Variants in GRK7 observed in about 807,000 individuals in gnomAD.
GRK7 encodes rhodopsin kinase GRK7.
Under a neutral mutation model 34.1 loss-of-function variants are expected in GRK7, and 24 were observed. The observed-to-expected ratio is 0.70, with a 90% confidence interval of 0.51 to 0.99. The LOEUF (loss-of-function observed/expected upper bound fraction) is 0.99. GRK7 is among the 50% of genes least tolerant of loss of function. The pLI is 0.00. For synonymous variants in GRK7, 256 were observed against 279.4 expected (o/e 0.92, Z 0.84); for missense variants, 644 against 707.3 (o/e 0.91, Z 1.02).
chr3:141,762,913 C>A (rs1205326735), upstream of GRK7, among the ~76,000 whole-genome samples: 2 of 152,230 alleles, frequency 1.3e-5, no homozygotes, highest in Non-Finnish European at 2.9e-5. Flanking sequence ...TCACTCCTTT[C>A]TTTGACTTGG....
chr3:141,757,403 G>A, the GRK7 span, among the ~76,000 whole-genome samples: 1 of 130,130 alleles, frequency 7.7e-6, no homozygotes. Context: ...AATATGCGGT[G>A]TTTGGTTTTT....
At chr3:141,762,674 C>T (rs2084561028), upstream of GRK7, among the ~76,000 whole-genome samples, 1 of 151,860 alleles carries the variant, frequency 6.6e-6, no homozygotes, top group African/African-American at 2.4e-5. Flanking sequence ...CTTTGTTTAC[C>T]TAAGCAAGCC....
At position 141,817,032 on chromosome 3, in the gene GRK7, C is replaced by T. The variant is rs762666703; in HGVS notation, c.1644C>T (p.Gly548=). The change falls in exon 6 of 6, where the codon GGC becomes GGT. Residue 548 remains glycine, a synonymous_variant. Coordinates refer to ENST00000682958, the MANE Select transcript of GRK7 (RefSeq NM_139209.3). The stretch of plus-strand genomic sequence containing the variant: ...AGGAGGGTAATTCATCCAAGTCTGG[C>T]GTGTGTTTGTTATTGTAAATTGCTC... ...GCEEGNSSKS[G]VCLLL The T allele has an allele frequency of 3.7e-6, 6 of 1,602,160 alleles. No individual in the cohort carries two copies. The highest frequency in any genetic ancestry group is 4.3e-6 in the Non-Finnish European group (5 of 1,176,298).
chr3:141,812,372 G>A (rs1711101524), intron 5 of GRK7, among the ~76,000 whole-genome samples: 1 of 152,188 alleles, frequency 6.6e-6, no homozygotes, highest in African/African-American at 2.4e-5. Context: ...GAACTGCCAG[G>A]GAAAGATGTA....
rs760891784 is a variant in GRK7 at position 141,765,570 on chromosome 3, A to G, written c.-383A>G. ...AGCTCCAGAGCCTGGAACTGAAGAG[A>G]TCTTGCAGCTTCTGCCTTCACCCTT... On this transcript the variant is annotated 5_prime_UTR_variant, in exon 1 of 6. Transcript: ENST00000682958. Among the ~76,000 whole-genome samples the G allele has an allele frequency of 6.6e-6, 1 of 152,066 alleles. No individual in the cohort carries two copies. The highest frequency in any genetic ancestry group is 1.5e-5 in the Non-Finnish European group (1 of 67,990).
chr3:141,794,508 G>A (rs1028704046), intron 4 of GRK7, among the ~76,000 whole-genome samples: 1 of 152,378 alleles, frequency 6.6e-6, no homozygotes, highest in East Asian at 1.9e-4. Flanking sequence ...ATGGAGAGGT[G>A]GCAGGGGCCA....
At chr3:141,794,475 G>A (rs1290615432) in intron 4 of GRK7, among the ~76,000 whole-genome samples, 2 of 152,238 alleles carry the variant, frequency 1.3e-5, no homozygotes, top group African/African-American at 4.8e-5. Flanking sequence ...CACATCGTAA[G>A]AGGAAATGTG....
At chr3:141,805,165 G>A (rs1327563495) in intron 4 of GRK7, among the ~76,000 whole-genome samples, 2 of 151,968 alleles carry the variant, frequency 1.3e-5, no homozygotes, top group African/African-American at 2.4e-5. Flanking sequence ...GCCCCCCTGC[G>A]CGTGCTCCAC....
At position 141,779,723 on chromosome 3, in the gene GRK7, G is replaced by A. The variant is rs368796922; in HGVS notation, c.613-651G>A. Among the ~76,000 whole-genome samples, 27 of 152,266 alleles carry A rather than the reference G, an allele frequency of 1.8e-4. No individual in the cohort carries two copies. The East Asian group carries it at 4.6e-3, about 26-fold the overall frequency. Reference sequence around the variant, plus strand: ...CTCCAGCCCTGACAACCACTAGTCCGCTTTCTGTCTCTAGGGATTTGCCTA... The same window carrying A: ...CTCCAGCCCTGACAACCACTAGTCCACTTTCTGTCTCTAGGGATTTGCCTA... On this transcript the variant is annotated intron_variant, in intron 3 of 5. Transcript: ENST00000682958.
At position 141,764,940 on chromosome 3, in the gene GRK7, T is replaced by C. The variant is rs958307389; in HGVS notation, c.-1013T>C. Among the ~76,000 whole-genome samples, 2 of 152,164 alleles carry C rather than the reference T, an allele frequency of 1.3e-5. No individual in the cohort carries two copies. Among genetic ancestry groups the C allele is most frequent in the Non-Finnish European group, 2.9e-5 (2 of 68,040 alleles). ...CCACAATCCATCCATAAGCAAACTA[T>C]CTTCCCCCTCCCCTGATTTCTCACC... On this transcript the variant is annotated 5_prime_UTR_variant, in exon 1 of 6. Transcript: ENST00000682958.
chr3:141,773,524 T>G (rs1380612731), intron 1 of GRK7, among the ~76,000 whole-genome samples: 1 of 152,132 alleles, frequency 6.6e-6, no homozygotes, highest in Non-Finnish European at 1.5e-5. Context: ...TTGTTATTAT[T>G]TTTTTGAGAC....
chr3:141,768,186 G>A (rs1410276508), intron 1 of GRK7, among the ~76,000 whole-genome samples: 1 of 151,792 alleles, frequency 6.6e-6, no homozygotes, highest in Non-Finnish European at 1.5e-5. Context: ...CTCCTGTGCT[G>A]TCTGGAGAGC....
intron 4 of GRK7, among the ~76,000 whole-genome samples, chr3:141,801,037 G>A (rs2107889846): frequency 6.6e-6 from 1 of 152,230 alleles, no homozygotes; most frequent in East Asian, 1.9e-4. Flanking sequence ...TGGGCCGGGT[G>A]CAGTGGCTCA....
chr3:141,766,203 G>A lies in GRK7; in HGVS notation c.-215+465G>A, dbSNP rs968908899. On this transcript the variant is annotated intron_variant, in intron 1 of 5. Transcript: ENST00000682958. ...TTTTGAGATGGAGTCTCACTCTGTC[G>A]TCCAGGCTGGAGTGCAGTGGCGCGA... 9.4e-5 allele frequency among the ~76,000 whole-genome samples: 14 copies of A among 149,710 alleles called. No individual in the cohort carries two copies. In the East Asian group the frequency reaches 1.2e-3, roughly 13 times the overall value.
Position 141,780,712 on chromosome 3 carries a change from G to A in GRK7, c.951G>A (p.Met317Ile), listed in dbSNP as rs2084668197. 6.2e-7 allele frequency: 1 copy of A among 1,614,094 alleles called. No homozygotes were observed. The highest frequency in any genetic ancestry group is 1.3e-5 in the African/African-American group (1 of 74,940). Reference sequence around the variant, plus strand: ...AACTCGGCATCGTCTATCGGGACATGAAGCCTGAGAATGTGCTTCTGGATG... The same window carrying A: ...AACTCGGCATCGTCTATCGGGACATAAAGCCTGAGAATGTGCTTCTGGATG... Reference protein sequence around the residue: ...LHELGIVYRDMKPENVLLDDL... With the variant: ...LHELGIVYRDIKPENVLLDDL... Residue 317 changes from methionine (M) to isoleucine (I), a missense_variant, in exon 4 of 6, where the codon ATG becomes ATA. Coordinates refer to ENST00000682958, the MANE Select transcript of GRK7 (RefSeq NM_139209.3).
intron 4 of GRK7, among the ~76,000 whole-genome samples, chr3:141,788,351 G>C (rs952873324): frequency 1.1e-4 from 17 of 152,136 alleles, no homozygotes; most frequent in African/African-American, 4.1e-4. Context: ...GGAGAAACGG[G>C]AACCCACCAA....
intron 5 of GRK7, among the ~76,000 whole-genome samples, chr3:141,812,591 T>A (rs1711103785): frequency 6.6e-6 from 1 of 152,172 alleles, no homozygotes; most frequent in Non-Finnish European, 1.5e-5. Flanking sequence ...TCCAGGGGCA[T>A]CTAGTTGGGT....
intron 4 of GRK7, among the ~76,000 whole-genome samples, chr3:141,803,091 G>T (rs1038037563): frequency 6.6e-6 from 1 of 152,038 alleles, no homozygotes; most frequent in East Asian, 1.9e-4. Context: ...ATTTTTAACA[G>T]CTTTACTGAG....
Position 141,788,673 on chromosome 3 carries a change from T to G in GRK7, c.1050+7862T>G, listed in dbSNP as rs571100640. Among the ~76,000 whole-genome samples the G allele has an allele frequency of 9.9e-5, 15 of 152,274 alleles. 1 individual carries two copies. Among genetic ancestry groups the G allele is most frequent in the African/African-American group, 3.6e-4 (15 of 41,554 alleles). On this transcript the variant is annotated intron_variant, in intron 4 of 5. Coordinates refer to ENST00000682958, the MANE Select transcript of GRK7 (RefSeq NM_139209.3). ...AGACTGAGGCAGACACGCAAGGAGA[T>G]GCCGGGGCTGAAGAGCATTGGCCTG...
Sources: allele counts gnomAD v4.1 joint callset (sites outside exome capture counted in the v4.1 genomes callset), GRCh38; gene constraint gnomAD v4.1.1; transcripts MANE v1.5; gene names NCBI Gene and HGNC (gene_info 2026-07-23, HGNC 2026-07-21).